STK33: variants seen among roughly 807,000 people sequenced by gnomAD.
The protein encoded by STK33 is serine/threonine kinase 33, also known as serine/threonine-protein kinase 33.
In STK33, 52 loss-of-function variants were observed where a neutral mutation model predicts 58.0. That is an observed-to-expected ratio of 0.90 (90% CI 0.72 to 1.13). STK33 has a LOEUF of 1.13. Among genes scored for constraint, STK33 ranks in the 50% most tolerant of loss-of-function variants. The pLI, the probability that STK33 is intolerant of heterozygous loss-of-function variation, is 0.00. For missense variants in STK33, 630 were observed against 604.2 expected (o/e 1.04, Z -0.45); for synonymous variants, 215 against 200.1 (o/e 1.07, Z -0.63).
chr11:8,463,623 A>C (rs1947833651), intron 7 of STK33, among the ~76,000 whole-genome samples: 1 of 152,162 alleles, frequency 6.6e-6, no homozygotes, highest in Non-Finnish European at 1.5e-5. Context: ...ATCCATCTCA[A>C]TTCTGTTTCT....
At chr11:8,523,359 C>T (rs574239540) in intron 1 of STK33, among the ~76,000 whole-genome samples, 67 of 151,250 alleles carry the variant, frequency 4.4e-4, no homozygotes, top group Non-Finnish European at 8.8e-4. Flanking sequence ...GCGTCTCTGC[C>T]CGGCCGCCCA....
At chr11:8,582,709 T>C (rs1178991645) in intron 1 of STK33, among the ~76,000 whole-genome samples, 1 of 152,344 alleles carries the variant, frequency 6.6e-6, no homozygotes, top group East Asian at 1.9e-4. Flanking sequence ...CAAGTATGTA[T>C]GTGTATAAGT....
At chr11:8,442,798 A>T (rs1944934172) in intron 11 of STK33, among the ~76,000 whole-genome samples, 1 of 152,206 alleles carries the variant, frequency 6.6e-6, no homozygotes, top group African/African-American at 2.4e-5. Context: ...AAAATGAATA[A>T]ACTACTGATA....
chr11:8,342,459 T>A, the STK33 span, among the ~76,000 whole-genome samples: 2 of 152,274 alleles, frequency 1.3e-5, no homozygotes, highest in Non-Finnish European at 2.9e-5. Flanking sequence ...TGACTCTGTC[T>A]TCCTTGGTGA....
At chr11:8,451,196 CAT>C (rs939387050) in intron 11 of STK33, among the ~76,000 whole-genome samples, 1 of 152,132 alleles carries the variant, frequency 6.6e-6, no homozygotes. Flanking sequence ...ATAAACTTAA[CAT>C]ATGATCCAAC....
At chr11:8,367,156 C>T in the STK33 span, among the ~76,000 whole-genome samples, 125,156 of 152,268 alleles carry the variant, frequency 0.82, 51,498 homozygotes, top group Middle Eastern at 0.95. Context: ...GTGTACAAAG[C>T]GTGTGTGTAT....
At chr11:8,353,231 T>C in the STK33 span, among the ~76,000 whole-genome samples, 1 of 152,190 alleles carries the variant, frequency 6.6e-6, no homozygotes, top group Non-Finnish European at 1.5e-5. Context: ...ACACCCTTCC[T>C]GGGTCAGCAA....
intron 14 of STK33, among the ~76,000 whole-genome samples, chr11:8,428,706 G>C (rs1943063195): frequency 6.6e-6 from 1 of 152,090 alleles, no homozygotes; most frequent in Non-Finnish European, 1.5e-5. Context: ...ATACAACATT[G>C]CTGAATATTG....
At chr11:8,396,549 G>A (rs1235141621) in intron 15 of STK33, among the ~76,000 whole-genome samples, 2 of 152,220 alleles carry the variant, frequency 1.3e-5, no homozygotes, top group East Asian at 1.9e-4. Flanking sequence ...CCCAGCGTGA[G>A]TGACGCAGAA....
intron 1 of STK33, among the ~76,000 whole-genome samples, chr11:8,510,180 T>G (rs1334546275): frequency 6.6e-6 from 1 of 152,204 alleles, no homozygotes; most frequent in Non-Finnish European, 1.5e-5. Context: ...TTTTTTGGCT[T>G]TTTAATTATG....
chr11:8,424,450 C>T lies in STK33; in HGVS notation c.1147-10758G>A, dbSNP rs920000089. Among the ~76,000 whole-genome samples, 7 of 151,168 alleles carry T rather than the reference C, an allele frequency of 4.6e-5. No homozygotes were observed. In the South Asian group the frequency reaches 8.4e-4, roughly 18 times the overall value. ...TGTGAATAGTGCCACAATAAACATA[C>T]GTGTGCATGTGTCTTTATAGCAGCA... On this transcript the variant is annotated intron_variant, in intron 14 of 15. Coordinates refer to ENST00000687296, the MANE Select transcript of STK33 (RefSeq NM_001352389.2).
intron 1 of STK33, among the ~76,000 whole-genome samples, chr11:8,515,949 T>C (rs1211907121): frequency 2.0e-5 from 3 of 152,214 alleles, no homozygotes; most frequent in East Asian, 3.8e-4. Context: ...CCTATGTTCA[T>C]GGATTGGAAT....
At chr11:8,521,245 C>A (rs1953402653) in intron 1 of STK33, among the ~76,000 whole-genome samples, 1 of 151,986 alleles carries the variant, frequency 6.6e-6, no homozygotes, top group African/African-American at 2.4e-5. Flanking sequence ...GCTACAGTAA[C>A]CAAAACAGCA....
chr11:8,356,544 C>T, the STK33 span, among the ~76,000 whole-genome samples: 5 of 144,286 alleles, frequency 3.5e-5, no homozygotes, highest in Admixed American at 7.0e-5. Flanking sequence ...GTGGTGGGGG[C>T]GTGGGGGGAC....
the STK33 span, among the ~76,000 whole-genome samples, chr11:8,353,992 A>T: frequency 6.6e-6 from 1 of 152,056 alleles, no homozygotes; most frequent in South Asian, 2.1e-4. Context: ...TTTCATTGCC[A>T]CCTCTGGCCC....
intron 1 of STK33, among the ~76,000 whole-genome samples, chr11:8,497,785 A>C: frequency 6.6e-6 from 1 of 152,192 alleles, no homozygotes; most frequent in East Asian, 1.9e-4. Flanking sequence ...TTCTGAAAGG[A>C]AAAAACAAAT....
At chr11:8,573,774 T>G (rs1307371644) in intron 1 of STK33, among the ~76,000 whole-genome samples, 4 of 152,210 alleles carry the variant, frequency 2.6e-5, no homozygotes, top group African/African-American at 9.7e-5. Flanking sequence ...CAACAGACTT[T>G]GATGAACCTC....
chr11:8,563,082 AAG>A (rs1488526858), intron 1 of STK33, among the ~76,000 whole-genome samples: 6 of 152,154 alleles, frequency 3.9e-5, no homozygotes, highest in Admixed American at 2.6e-4. Context: ...TTATTTTGTG[AAG>A]AGTCACTTAA....
chr11:8,506,988 T>C (rs1030683983), intron 1 of STK33, among the ~76,000 whole-genome samples: 3 of 152,200 alleles, frequency 2.0e-5, no homozygotes, highest in Non-Finnish European at 2.9e-5. Context: ...ATTCTGATCA[T>C]TGCTTTTCAA....
Sources: allele counts gnomAD v4.1 joint callset (sites outside exome capture counted in the v4.1 genomes callset), GRCh38; gene constraint gnomAD v4.1.1; transcripts MANE v1.5; gene names NCBI Gene and HGNC (gene_info 2026-07-23, HGNC 2026-07-21).